RABEP1: variants seen among roughly 807,000 people sequenced by gnomAD.
RABEP1 encodes the protein rabaptin, RAB GTPase binding effector protein 1.
A neutral mutation model predicts 123.4 loss-of-function variants in RABEP1; 51 were observed. That is an observed-to-expected ratio of 0.41 (90% CI 0.33 to 0.52). RABEP1 has a LOEUF of 0.52. Among genes scored for constraint, RABEP1 ranks in the 20% least tolerant of loss-of-function variants. The pLI is 0.16. For missense variants in RABEP1, 888 were observed against 996.3 expected, an observed-to-expected ratio of 0.89 and a Z score of 1.46; for synonymous variants, 347 against 355.2, an observed-to-expected ratio of 0.98 and a Z score of 0.26.
intron 17 of RABEP1, 59 bp from the exon 18 acceptor site, chr17:5,383,063 C>A: frequency 6.9e-7 from 1 of 1,443,138 alleles, no homozygotes; most frequent in South Asian, 1.1e-5. Flanking sequence ...CTAAACCAGT[C>A]AAAGTTCAGA....
At chr17:5,303,329 C>T (rs1240156557) in intron 1 of RABEP1, among the ~76,000 whole-genome samples, 1 of 152,120 alleles carries the variant, frequency 6.6e-6, no homozygotes, top group Non-Finnish European at 1.5e-5. Context: ...GCAACCTCTG[C>T]CTCCCAGGTT....
chr17:5,318,453 C>G (rs1230266295), intron 2 of RABEP1, among the ~76,000 whole-genome samples: 1 of 152,056 alleles, frequency 6.6e-6, no homozygotes, highest in Non-Finnish European at 1.5e-5. Context: ...CGAGAAATTA[C>G]TGGTATCAGA....
intron 2 of RABEP1, among the ~76,000 whole-genome samples, chr17:5,321,722 G>A (rs1337011625): frequency 6.6e-6 from 1 of 152,208 alleles, no homozygotes; most frequent in Non-Finnish European, 1.5e-5. Context: ...AAGAGCAGGA[G>A]TAAGTAAGTA....
chr17:5,299,796 C>G (rs1197551596), intron 1 of RABEP1, among the ~76,000 whole-genome samples: 1 of 129,766 alleles, frequency 7.7e-6, no homozygotes, highest in East Asian at 2.6e-4. Flanking sequence ...ATGGCGTGAT[C>G]TCGGCTCACT....
chr17:5,343,374 T>G (rs73339208), intron 5 of RABEP1, among the ~76,000 whole-genome samples: 18,019 of 152,116 alleles, frequency 0.12, 1,430 homozygotes, highest in African/African-American at 0.22. Flanking sequence ...CACAACATAG[T>G]GAAACTCTTT....
At position 5,339,240 on chromosome 17, in the gene RABEP1, G is replaced by A. The variant is rs185586726; in HGVS notation, c.648+1102G>A. On this transcript the variant is annotated intron_variant, in intron 5 of 17. Transcript: ENST00000537505. Reference sequence around the variant, plus strand: ...AAATGGGAATTTATCAATAGTCTTGGTAAATGTAAACTGATACCTATGTTT... The same window carrying A: ...AAATGGGAATTTATCAATAGTCTTGATAAATGTAAACTGATACCTATGTTT... Among the ~76,000 whole-genome samples, 192 of 152,286 alleles carry A rather than the reference G, an allele frequency of 1.3e-3. 1 individual carries two copies. Among genetic ancestry groups the A allele is most frequent in the Admixed American group, 5.0e-3 (76 of 15,300 alleles).
rs757754567 is a variant in RABEP1, at chr17:5,380,403, A to T, written c.2311A>T (p.Ser771Cys). 10 of 1,574,308 alleles carry T rather than the reference A, an allele frequency of 6.4e-6. No individual in the cohort carries two copies. In the African/African-American group the frequency reaches 1.3e-4, roughly 21 times the overall value. ...TLREKSQQLE[S>C]LQEIKISLEE... ...AAGAGAGAAGTCTCAACAGCTTGAG[A>T]GTCTTCAGGAAATAAAGATCAGTTT... The change falls in exon 16 of 18, where the codon AGT (serine) becomes TGT (cysteine). Residue 771 changes from serine to cysteine, a missense_variant. Transcript: ENST00000537505.
In RABEP1 at chr17:5,376,436, G is replaced by A. The variant is rs902498713; in HGVS notation, c.2026-680G>A. The stretch of plus-strand genomic sequence containing the variant: ...TAAATCTTAGGAAATTTTAAAAACT[G>A]TTGTTTTATATATATTGTTATTTGA... On this transcript the variant is annotated intron_variant, in intron 13 of 17. Transcript: ENST00000537505. 2.6e-5 allele frequency among the ~76,000 whole-genome samples: 4 copies of A among 152,232 alleles called. 1 individual carries two copies. In the East Asian group the frequency reaches 7.7e-4, roughly 29 times the overall value.
At position 5,383,242 on chromosome 17, in the gene RABEP1, C is replaced by G. The variant is rs1014808115; in HGVS notation, c.*19C>G. ...GACATGACACCCTCATGGCAGGATT[C>G]TAGCCTGCACTTTGGGTTTTTAACT... is the stretch of plus-strand genomic sequence containing the variant. On this transcript the variant is annotated 3_prime_UTR_variant, in exon 18 of 18. Coordinates refer to ENST00000537505, the MANE Select transcript of RABEP1 (RefSeq NM_004703.6). The G allele has an allele frequency of 2.5e-6, 4 of 1,592,506 alleles. No individual in the cohort carries two copies. The highest frequency in any genetic ancestry group is 3.4e-6 in the Non-Finnish European group (4 of 1,160,674).
At position 5,308,747 on chromosome 17, in the gene RABEP1, C is replaced by T. The variant is rs376687369; in HGVS notation, c.88C>T (p.Arg30Cys). ...GGAAAAAATTAATGCAGAATTTTTA[C>T]GTGCACAACAGCAGCTTGAACAAGA... is the stretch of plus-strand genomic sequence containing the variant. ...ELEKINAEFL[R>C]AQQQLEQEFN... The change falls in exon 2 of 18, where the codon CGT becomes TGT. Residue 30 changes from arginine to cysteine, a missense_variant. Arg to Cys is a radical substitution (Grantham distance 180). Transcript: ENST00000537505. 100 of 1,611,982 alleles carry T rather than the reference C, an allele frequency of 6.2e-5. 1 individual carries two copies. Among genetic ancestry groups the T allele is most frequent in the Non-Finnish European group, 8.1e-5 (96 of 1,178,922 alleles).
At chr17:5,366,047 A>G (rs1032462325) in intron 11 of RABEP1, among the ~76,000 whole-genome samples, 1 of 152,172 alleles carries the variant, frequency 6.6e-6, no homozygotes, top group Non-Finnish European at 1.5e-5. Context: ...CTTGGGTACA[A>G]ATGTTCAAAA....
Position 5,384,992 on chromosome 17 carries a change from C to G in RABEP1, c.*1769C>G, listed in dbSNP as rs1911828847. 3.1e-5 allele frequency: 7 copies of G among 228,654 alleles called. No individual in the cohort carries two copies. The South Asian group carries it at 1.3e-3, about 42-fold the overall frequency. The allele number at this position is 228,654 out of a possible 1,614,324, so 14.2% of individuals were successfully genotyped here. A position where few individuals can be genotyped will look rare whatever the true frequency, so the allele number is the denominator to read the frequency against. ...GCAATTCACAGCCTTTCTGAACTGA[C>G]TGAACTAGAGCTTGCAGTGAAGTGT... On this transcript the variant is annotated 3_prime_UTR_variant, in exon 18 of 18. Coordinates refer to ENST00000537505, the MANE Select transcript of RABEP1 (RefSeq NM_004703.6).
intron 2 of RABEP1, among the ~76,000 whole-genome samples, chr17:5,330,297 G>C (rs1044610905): frequency 6.6e-6 from 1 of 152,120 alleles, no homozygotes; most frequent in Non-Finnish European, 1.5e-5. Context: ...TCTTAAAACT[G>C]TCTTTGGCTA....
intron 8 of RABEP1, among the ~76,000 whole-genome samples, chr17:5,360,557 G>A (rs538676914): frequency 4.0e-4 from 61 of 152,300 alleles, no homozygotes; most frequent in Admixed American, 9.2e-4. Flanking sequence ...GCGAGACTCC[G>A]TCTCAGAAAA....
At chr17:5,375,958 C>T (rs977670577) in intron 13 of RABEP1, among the ~76,000 whole-genome samples, 12 of 152,018 alleles carry the variant, frequency 7.9e-5, no homozygotes, top group Admixed American at 2.0e-4. Flanking sequence ...TTGCAACCTC[C>T]GCCTTCTGGG....
chr17:5,330,935 G>A (rs1436523218), intron 2 of RABEP1, among the ~76,000 whole-genome samples: 1 of 151,646 alleles, frequency 6.6e-6, no homozygotes, highest in Non-Finnish European at 1.5e-5. Context: ...GAGGTGGGGG[G>A]ATCGCTTGAG....
chr17:5,323,783 TATATATATATCTAGGA>T (rs1567522125), intron 2 of RABEP1, among the ~76,000 whole-genome samples: 7 of 133,220 alleles, frequency 5.3e-5, no homozygotes, highest in African/African-American at 1.5e-4. Flanking sequence ...TCTAGGAATA[TATATATATATCTAGGA>T]ATATATATAT....
At position 5,332,096 on chromosome 17, in the gene RABEP1, A is replaced by T; in HGVS notation, c.311A>T (p.Asp104Val). 1 of 1,614,164 alleles carries T rather than the reference A, an allele frequency of 6.2e-7. No homozygotes were observed. Among genetic ancestry groups the T allele is most frequent in the Non-Finnish European group, 8.5e-7 (1 of 1,180,026 alleles). The change falls in exon 3 of 18, where the codon GAT (aspartate) becomes GTT (valine). Residue 104 changes from aspartate (D) to valine (V), a missense_variant. By Grantham distance (152) the Asp-to-Val change is radical. Coordinates refer to ENST00000537505, the MANE Select transcript of RABEP1 (RefSeq NM_004703.6). Reference protein sequence around the residue: ...VSENTKQEAIDEVKRQWREEV... With the variant: ...VSENTKQEAIVEVKRQWREEV... Reference sequence around the variant, plus strand: ...GAGAACACCAAGCAAGAAGCTATAGATGAAGTGAAAAGACAGTGGAGAGAA... The same window carrying T: ...GAGAACACCAAGCAAGAAGCTATAGTTGAAGTGAAAAGACAGTGGAGAGAA...
intron 11 of RABEP1, among the ~76,000 whole-genome samples, chr17:5,367,192 A>G (rs1050297070): frequency 5.9e-5 from 9 of 152,002 alleles, no homozygotes; most frequent in Non-Finnish European, 1.0e-4. Context: ...AAGATATCCT[A>G]TATTATAGAG....
Sources: gnomAD v4.1 joint callset for allele counts (sites outside exome capture counted in the v4.1 genomes callset) on GRCh38, gnomAD v4.1.1 for gene constraint, MANE v1.5 for transcripts, NCBI Gene and HGNC (gene_info 2026-07-23, HGNC 2026-07-21) for gene names.